The following MARK2 variants were observed in gnomAD, a reference collection of about 807,000 sequenced individuals.
MARK2 encodes the protein serine/threonine-protein kinase MARK2.
MARK2 carries 16 observed loss-of-function variants against 89.8 expected under a neutral mutation model. The ratio of observed to expected loss-of-function variants is 0.18; its 90% CI spans 0.12 to 0.27. MARK2 has a LOEUF of 0.27. MARK2 is among the 10% of genes least tolerant of loss of function. The pLI is 1.00. For synonymous variants in MARK2, 382 were observed against 399.5 expected (o/e 0.96, Z 0.52); for missense variants, 621 against 1,049.9 (o/e 0.59, Z 5.65).
intron 1 of MARK2, among the ~76,000 whole-genome samples, chr11:63,871,967 G>A (rs1406889162): frequency 6.6e-6 from 1 of 152,204 alleles, no homozygotes; most frequent in Non-Finnish European, 1.5e-5. Context: ...GCTGGCTGAG[G>A]GCACTGTGAG....
intron 1 of MARK2, among the ~76,000 whole-genome samples, chr11:63,884,102 G>C (rs1939258406): frequency 6.6e-6 from 1 of 152,234 alleles, no homozygotes; most frequent in Non-Finnish European, 1.5e-5. Context: ...ATCGCACTGA[G>C]CTTTGCAACT....
chr11:63,844,518 CT>C (rs1565091714), intron 1 of MARK2, among the ~76,000 whole-genome samples: 1 of 152,148 alleles, frequency 6.6e-6, no homozygotes, highest in Non-Finnish European at 1.5e-5. Context: ...AATTTATGGA[CT>C]TCGGAAAGTA....
intron 1 of MARK2, among the ~76,000 whole-genome samples, chr11:63,861,040 T>C (rs1937738990): frequency 6.6e-6 from 1 of 152,186 alleles, no homozygotes; most frequent in Non-Finnish European, 1.5e-5. Context: ...CCACAAAGCG[T>C]ATTTCTTTTC....
chr11:63,898,307 T>C, intron 4 of MARK2, 27 bp downstream of exon 4: 3 of 1,606,958 alleles, frequency 1.9e-6, no homozygotes, highest in Non-Finnish European at 2.6e-6. Flanking sequence ...ATTTCTTTCT[T>C]CTTCCCCAAC....
At chr11:63,865,557 A>G (rs760914789) in intron 1 of MARK2, among the ~76,000 whole-genome samples, 13 of 152,208 alleles carry the variant, frequency 8.5e-5, no homozygotes, top group Non-Finnish European at 1.6e-4. Context: ...TGCTGTGGCC[A>G]CGGCTTCCTT....
At chr11:63,899,829 G>C (rs1481929664) in intron 7 of MARK2, 45 bp from the exon 8 acceptor site, 2 of 1,325,936 alleles carry the variant, frequency 1.5e-6, no homozygotes, top group East Asian at 2.3e-5. Flanking sequence ...CAGGGCCTTA[G>C]TCTGGTCCAC....
chr11:63,863,473 CT>C (rs1213476999), intron 1 of MARK2, among the ~76,000 whole-genome samples: 4 of 128,100 alleles, frequency 3.1e-5, no homozygotes, highest in Non-Finnish European at 5.0e-5. Flanking sequence ...CACCCCCCCA[CT>C]TTTTTTTTGA....
rs750155967 is a variant in MARK2, at chr11:63,910,652, A to ATTTTTTTTTTTTT, written c.*1417_*1429dup. ...GTTTTATTTTTTATTATTTTATTTT[A>ATTTTTTTTTTTTT]TTTTTTTTTTTTTTGATTTATGATG... On this transcript the variant is annotated 3_prime_UTR_variant, in exon 19 of 19. Coordinates refer to ENST00000402010, the MANE Select transcript of MARK2 (RefSeq NM_001039469.3). 47 of 137,306 alleles carry ATTTTTTTTTTTTT rather than the reference A, an allele frequency of 3.4e-4. No homozygotes were observed. Among genetic ancestry groups the ATTTTTTTTTTTTT allele is most frequent in the East Asian group, 1.1e-3 (5 of 4,652 alleles). 8.5% of individuals were successfully genotyped at this position (137,306 alleles called of 1,614,324 possible).
intron 1 of MARK2, among the ~76,000 whole-genome samples, chr11:63,889,919 G>A (rs1478161938): frequency 6.6e-6 from 1 of 152,204 alleles, no homozygotes; most frequent in African/African-American, 2.4e-5. Context: ...TATAAGCAGG[G>A]AGGATGGTGG....
At chr11:63,863,763 C>G (rs1355224909) in intron 1 of MARK2, among the ~76,000 whole-genome samples, 1 of 151,312 alleles carries the variant, frequency 6.6e-6, no homozygotes, top group African/African-American at 2.4e-5. Flanking sequence ...TGTGCCCCCC[C>G]GCCCCACACC....
At position 63,903,282 on chromosome 11, in the gene MARK2, C is replaced by A; in HGVS notation, c.1514+124C>A. ...GCTCCCTGCTCCCTGGAGTTCCATCCTGGCTGTGTCCAGTCCAGCTTTCCC... is the reference window on the plus strand; with the variant it reads ...GCTCCCTGCTCCCTGGAGTTCCATCATGGCTGTGTCCAGTCCAGCTTTCCC... On this transcript the variant is annotated intron_variant, in intron 14 of 18. Transcript: ENST00000402010. This position sits in a 1 kb window ranked among gnomAD's most constrained non-coding sequence, Gnocchi z 5.1. 1 of 754,054 alleles carries A rather than the reference C, an allele frequency of 1.3e-6. No individual in the cohort carries two copies. The highest frequency in any genetic ancestry group is 2.0e-5 in the Admixed American group (1 of 50,068). The allele number at this position is 754,054 out of a possible 1,614,324, so 46.7% of individuals were successfully genotyped here. A position where few individuals can be genotyped will look rare whatever the true frequency, so the allele number is the denominator to read the frequency against.
chr11:63,890,884 G>A (rs374722203), intron 1 of MARK2, among the ~76,000 whole-genome samples: 3 of 152,254 alleles, frequency 2.0e-5, no homozygotes, highest in African/African-American at 7.2e-5. Flanking sequence ...ACGTGGGGGA[G>A]CCAGGGCTTG....
rs1453306757 is a variant in MARK2 at position 63,910,117 on chromosome 11, T to G, written c.*880T>G. The G allele has an allele frequency of 6.6e-6, 1 of 152,236 alleles. No individual in the cohort carries two copies. Among genetic ancestry groups the G allele is most frequent in the Non-Finnish European group, 1.5e-5 (1 of 68,120 alleles). 9.4% of individuals were successfully genotyped at this position (152,236 alleles called of 1,614,324 possible). A position where few individuals can be genotyped will look rare whatever the true frequency, so the allele number is the denominator to read the frequency against. ...ACTGGAGGGCAGACTGGCTTCTCGG[T>G]CCCCAGGGGGCCGCTTGGGCTGTTG... On this transcript the variant is annotated 3_prime_UTR_variant, in exon 19 of 19. Transcript: ENST00000402010.
At position 63,909,488 on chromosome 11, in the gene MARK2, G is replaced by A; in HGVS notation, c.*251G>A. On this transcript the variant is annotated 3_prime_UTR_variant, in exon 19 of 19. Coordinates refer to ENST00000402010, the MANE Select transcript of MARK2 (RefSeq NM_001039469.3). ...TCTCCCCTACTGGAGGCAAAGGAAGGGGAGGGTGGATGGGGGGGCAGGGCT... is the reference window on the plus strand; with the variant it reads ...TCTCCCCTACTGGAGGCAAAGGAAGAGGAGGGTGGATGGGGGGGCAGGGCT... 1 of 388,284 alleles carries A rather than the reference G, an allele frequency of 2.6e-6. No homozygotes were observed. The highest frequency in any genetic ancestry group is 4.6e-6 in the Non-Finnish European group (1 of 218,212). 24.1% of individuals were successfully genotyped at this position (388,284 alleles called of 1,614,324 possible).
chr11:63,855,615 G>A (rs1396853702), intron 1 of MARK2, among the ~76,000 whole-genome samples: 2 of 151,814 alleles, frequency 1.3e-5, no homozygotes, highest in Admixed American at 6.6e-5. Context: ...ATTGCAACTA[G>A]CCTTTAAAAA....
chr11:63,868,828 T>G (rs1938283549), intron 1 of MARK2: 1 of 456,092 alleles, frequency 2.2e-6, no homozygotes. Flanking sequence ...GTCAGAAGGC[T>G]GGAGTTATTT....
At position 63,909,041 on chromosome 11, in the gene MARK2, A is replaced by C. The variant is rs568393922; in HGVS notation, c.2171A>C (p.Gln724Pro). Residue 724 changes from glutamine (Q) to proline (P), a missense_variant, in exon 19 of 19, where the codon CAG becomes CCG. By Grantham distance (76) the Gln-to-Pro change is moderately conservative. Around this residue, in one of 5 missense-constraint regions of MARK2, gnomAD observed 49 missense variants for 46.7 expected, o/e 1.05. Coordinates refer to ENST00000402010, the MANE Select transcript of MARK2 (RefSeq NM_001039469.3). ...IRKVLDANSC[Q>P]SELHEKYMLL... ...AAGGTGCTGGACGCGAACAGCTGCC[A>C]GAGCGAGCTGCATGAGAAGTACATG... 9.4e-5 allele frequency: 150 copies of C among 1,600,644 alleles called. No individual in the cohort carries two copies. The highest frequency in any genetic ancestry group is 1.3e-4 in the Non-Finnish European group (148 of 1,169,010).
chr11:63,847,177 T>C (rs2016329102), intron 1 of MARK2, among the ~76,000 whole-genome samples: 1 of 152,244 alleles, frequency 6.6e-6, no homozygotes, highest in African/African-American at 2.4e-5. Flanking sequence ...GATGTCTGTC[T>C]TTGGGTTGGC....
At chr11:63,841,532 G>A (rs2016017277) in intron 1 of MARK2, among the ~76,000 whole-genome samples, 1 of 152,180 alleles carries the variant, frequency 6.6e-6, no homozygotes, top group Admixed American at 6.5e-5. Context: ...ACTGGGAATT[G>A]CTTTCTCTGG....
Sources: gnomAD v4.1 joint callset for allele counts (sites outside exome capture counted in the v4.1 genomes callset) on GRCh38, gnomAD v4.1.1 for gene constraint, gnomAD v4.1.1 regional missense constraint, Gnocchi (gnomAD v3.1) non-coding constraint, MANE v1.5 for transcripts, NCBI Gene and HGNC (gene_info 2026-07-23, HGNC 2026-07-21) for gene names.